Variants in KCNH7 observed in about 807,000 individuals in gnomAD.
KCNH7 encodes the protein potassium voltage-gated channel subfamily H member 7.
KCNH7 carries 49 observed loss-of-function variants against 120.8 expected under a neutral mutation model. The ratio of observed to expected loss-of-function variants is 0.41; its 90% CI spans 0.32 to 0.51. KCNH7 has a LOEUF of 0.51. Among genes scored for constraint, KCNH7 ranks in the 20% least tolerant of loss-of-function variants. The probability of loss-of-function intolerance (pLI) is 0.38; values close to 1 mark genes in which losing one functional copy is unlikely to be tolerated. For synonymous variants in KCNH7, 547 were observed against 516.1 expected, an observed-to-expected ratio of 1.06 and a Z score of -0.81; for missense variants, 1,097 against 1,446.6, an observed-to-expected ratio of 0.76 and a Z score of 3.92.
chr2:162,704,643 G>A (rs147026827), intron 2 of KCNH7, among the ~76,000 whole-genome samples: 10 of 152,260 alleles, frequency 6.6e-5, no homozygotes, highest in Admixed American at 2.0e-4. Context: ...AATACAAAAA[G>A]AACCCTACTG....
intron 2 of KCNH7, among the ~76,000 whole-genome samples, chr2:162,807,995 T>C (rs554194387): frequency 2.6e-5 from 4 of 152,316 alleles, no homozygotes; most frequent in East Asian, 3.9e-4. Context: ...TTTTCATCCA[T>C]TTATCTGTTC....
intron 2 of KCNH7, among the ~76,000 whole-genome samples, chr2:162,689,373 A>G (rs1485134449): frequency 1.3e-5 from 2 of 152,012 alleles, no homozygotes; most frequent in East Asian, 3.9e-4. Flanking sequence ...GCTGGTTTCA[A>G]ACTCTTGACC....
At chr2:162,701,137 A>T (rs934047488) in intron 2 of KCNH7, among the ~76,000 whole-genome samples, 19 of 152,192 alleles carry the variant, frequency 1.2e-4, no homozygotes, top group Non-Finnish European at 4.4e-5. Context: ...AAATATAATG[A>T]TTCCAAAGAA....
intron 2 of KCNH7, among the ~76,000 whole-genome samples, chr2:162,813,619 T>C (rs909511596): frequency 3.3e-5 from 5 of 152,214 alleles, no homozygotes; most frequent in African/African-American, 1.2e-4. Context: ...GCTTTAAAAA[T>C]TTAACAATTC....
chr2:162,808,935 T>G (rs1210775372), intron 2 of KCNH7, among the ~76,000 whole-genome samples: 1 of 152,168 alleles, frequency 6.6e-6, no homozygotes. Flanking sequence ...TACAGTCCAG[T>G]GTTTCTCTGC....
At chr2:162,446,526 T>C (rs1688585698) in intron 6 of KCNH7, 83 bp from the exon 7 acceptor site, 2 of 978,302 alleles carry the variant, frequency 2.0e-6, no homozygotes, top group African/African-American at 3.3e-5. Flanking sequence ...AGGGAACTAA[T>C]TATACAGTAA....
chr2:162,476,122 C>A lies in KCNH7; in HGVS notation c.1128+28321G>T, dbSNP rs529366891. Reference sequence around the variant, plus strand: ...AGAACTCATATGAAGCCTCCCAAAGCCTGCCATCTCATTAAAGGAGTCTGG... The same window carrying A: ...AGAACTCATATGAAGCCTCCCAAAGACTGCCATCTCATTAAAGGAGTCTGG... On this transcript the variant is annotated intron_variant, in intron 6 of 15. Coordinates refer to ENST00000332142, the MANE Select transcript of KCNH7 (RefSeq NM_033272.4). Among the ~76,000 whole-genome samples the A allele has an allele frequency of 2.0e-5, 3 of 152,300 alleles. No individual in the cohort carries two copies. The South Asian group carries it at 6.2e-4, about 32-fold the overall frequency.
At chr2:162,630,353 A>G (rs1443264854) in intron 2 of KCNH7, among the ~76,000 whole-genome samples, 1 of 152,064 alleles carries the variant, frequency 6.6e-6, no homozygotes, top group Admixed American at 6.6e-5. Flanking sequence ...ATGAAGCTAG[A>G]TGAGATTATC....
intron 9 of KCNH7, among the ~76,000 whole-genome samples, chr2:162,411,125 T>C (rs190352391): frequency 3.0e-4 from 45 of 152,208 alleles, no homozygotes; most frequent in African/African-American, 1.1e-3. Context: ...GGAAATTAAA[T>C]TATTCTACCA....
chr2:162,580,374 T>C (rs529856632), intron 2 of KCNH7, among the ~76,000 whole-genome samples: 1 of 152,108 alleles, frequency 6.6e-6, no homozygotes, highest in East Asian at 1.9e-4. Context: ...TAAAAGTGTG[T>C]AAATAAAAGC....
chr2:162,832,350 A>G (rs1685508040), intron 2 of KCNH7, among the ~76,000 whole-genome samples: 1 of 152,138 alleles, frequency 6.6e-6, no homozygotes, highest in East Asian at 1.9e-4. Context: ...CTATTATGAA[A>G]TTTTGTGAAA....
At chr2:162,720,434 G>A (rs189893929) in intron 2 of KCNH7, among the ~76,000 whole-genome samples, 150 of 151,996 alleles carry the variant, frequency 9.9e-4, no homozygotes, top group Non-Finnish European at 1.8e-3. Flanking sequence ...TAATCCACGT[G>A]CACAGTGGTA....
intron 2 of KCNH7, among the ~76,000 whole-genome samples, chr2:162,811,655 A>T (rs769737653): frequency 7.2e-5 from 11 of 152,208 alleles, no homozygotes; most frequent in Non-Finnish European, 1.2e-4. Context: ...GATAGAAAAG[A>T]CACAATTTAC....
rs144497599 is a variant in KCNH7, at chr2:162,380,585, T to C, written c.2963-564A>G. On this transcript the variant is annotated intron_variant, in intron 13 of 15. Transcript: ENST00000332142. ...AATGGGAAGAATTTTACAAGTCCCC[T>C]AGTCCCCAGCTACTGTTTCATGTTT... is the stretch of plus-strand genomic sequence containing the variant. 2.5e-3 allele frequency among the ~76,000 whole-genome samples: 380 copies of C among 152,274 alleles called. 5 individuals carry two copies. The highest frequency in any genetic ancestry group is 8.4e-3 in the African/African-American group (350 of 41,570).
Position 162,379,993 on chromosome 2 carries a change from T to A in KCNH7, c.2991A>T (p.Arg997=), listed in dbSNP as rs1686356451. 3 of 1,613,914 alleles carry A rather than the reference T, an allele frequency of 1.9e-6. No individual in the cohort carries two copies. The highest frequency in any genetic ancestry group is 2.5e-6 in the Non-Finnish European group (3 of 1,179,920). ...CTTCAGGCTGGGGATGTGCATTTTC[T>A]CGTTCCCAGCTTCGCATGTCAGTGA... ...KDITDMRSWE[R]ENAHPQPEDS... Residue 997 remains arginine, a synonymous_variant, in exon 14 of 16, where the codon CGA becomes CGT. Coordinates refer to ENST00000332142, the MANE Select transcript of KCNH7 (RefSeq NM_033272.4).
intron 2 of KCNH7, among the ~76,000 whole-genome samples, chr2:162,572,242 G>T (rs1693506285): frequency 6.6e-6 from 1 of 151,604 alleles, no homozygotes; most frequent in Non-Finnish European, 1.5e-5. Flanking sequence ...TGAAGGACAT[G>T]AACAGACACT....
At chr2:162,647,693 C>T (rs1466678996) in intron 2 of KCNH7, among the ~76,000 whole-genome samples, 2 of 152,172 alleles carry the variant, frequency 1.3e-5, no homozygotes, top group Non-Finnish European at 2.9e-5. Context: ...CCTCATTTGC[C>T]TTCCACCATG....
chr2:162,653,311 T>C (rs2105263269), intron 2 of KCNH7, among the ~76,000 whole-genome samples: 1 of 152,340 alleles, frequency 6.6e-6, no homozygotes, highest in South Asian at 2.1e-4. Flanking sequence ...TTAAGTTGTC[T>C]TGTTTGCAAA....
At chr2:162,381,331 G>C (rs1221292614) in intron 13 of KCNH7, among the ~76,000 whole-genome samples, 1 of 152,034 alleles carries the variant, frequency 6.6e-6, no homozygotes, top group Non-Finnish European at 1.5e-5. Context: ...ACTGAATTGG[G>C]CAGGATTAGC....
Sources: gnomAD v4.1 joint callset for allele counts (sites outside exome capture counted in the v4.1 genomes callset) on GRCh38, gnomAD v4.1.1 for gene constraint, MANE v1.5 for transcripts, NCBI Gene and HGNC (gene_info 2026-07-23, HGNC 2026-07-21) for gene names.